Variants in FAM171A1 observed in about 807,000 individuals in gnomAD.
FAM171A1 encodes the protein family with sequence similarity 171 member A1.
A neutral mutation model predicts 74.9 loss-of-function variants in FAM171A1; 23 were observed. The observed-to-expected ratio is 0.31, with a 90% confidence interval of 0.22 to 0.44. The LOEUF (loss-of-function observed/expected upper bound fraction) is 0.44, where lower values mean the gene tolerates loss of function less well. Among genes scored for constraint, FAM171A1 ranks in the 20% least tolerant of loss-of-function variants. FAM171A1 has a pLI of 1.00. For synonymous variants in FAM171A1, 527 were observed against 505.7 expected, an observed-to-expected ratio of 1.04 and a Z score of -0.57; for missense variants, 1,162 against 1,159.2, an observed-to-expected ratio of 1.00 and a Z score of -0.03.
At chr10:15,314,118 C>A (rs557850458) in intron 1 of FAM171A1, among the ~76,000 whole-genome samples, 9 of 152,170 alleles carry the variant, frequency 5.9e-5, no homozygotes, top group Admixed American at 1.3e-4. Flanking sequence ...ACACGCCAAG[C>A]GTCTGGTCAT....
At chr10:15,319,965 C>A (rs534712949) in intron 1 of FAM171A1, among the ~76,000 whole-genome samples, 1 of 152,126 alleles carries the variant, frequency 6.6e-6, no homozygotes, top group Non-Finnish European at 1.5e-5. Context: ...ACTTTTATTT[C>A]TTTCCAATTG....
At position 15,305,954 on chromosome 10, in the gene FAM171A1, G is replaced by A. The variant is rs534622111; in HGVS notation, c.98-21849C>T. Among the ~76,000 whole-genome samples the A allele has an allele frequency of 8.5e-5, 13 of 152,310 alleles. No individual in the cohort carries two copies. In the South Asian group the frequency reaches 2.7e-3, roughly 32 times the overall value. On this transcript the variant is annotated intron_variant, in intron 1 of 7. Coordinates refer to ENST00000378116, the MANE Select transcript of FAM171A1 (RefSeq NM_001010924.2). ...GATCCTCTCTCAACACAGGCGAGGA[G>A]GGTGGCCTGGACAGAGCTCTTAGTG...
chr10:15,329,627 TAAAAA>T (rs11302159), intron 1 of FAM171A1, among the ~76,000 whole-genome samples: 4 of 140,826 alleles, frequency 2.8e-5, no homozygotes, highest in Non-Finnish European at 3.1e-5. Flanking sequence ...CCATCTCACT[TAAAAA>T]AAAAAAAAAA....
chr10:15,306,274 A>G (rs566100693), intron 1 of FAM171A1, among the ~76,000 whole-genome samples: 1 of 152,350 alleles, frequency 6.6e-6, no homozygotes, highest in East Asian at 1.9e-4. Context: ...TGAAAAAGTC[A>G]AATTAAAATA....
intron 3 of FAM171A1, among the ~76,000 whole-genome samples, chr10:15,257,030 T>C (rs1030350652): frequency 6.6e-6 from 1 of 152,220 alleles, no homozygotes; most frequent in Non-Finnish European, 1.5e-5. Flanking sequence ...CTGCTGATAG[T>C]ATTCAATGAA....
chr10:15,353,050 T>C (rs1292513960), intron 1 of FAM171A1, among the ~76,000 whole-genome samples: 1 of 152,208 alleles, frequency 6.6e-6, no homozygotes, highest in Non-Finnish European at 1.5e-5. Context: ...GCTACAAACT[T>C]GACCAGACTG....
intron 3 of FAM171A1, among the ~76,000 whole-genome samples, chr10:15,263,814 CT>C (rs1834698086): frequency 6.6e-6 from 1 of 151,222 alleles, no homozygotes; most frequent in Non-Finnish European, 1.5e-5. Context: ...TATTAATCAT[CT>C]ATCTAATCTA....
In FAM171A1 at chr10:15,248,734, A is replaced by C. The variant is rs779928327; in HGVS notation, c.659T>G (p.Val220Gly). The change falls in exon 5 of 8, where the codon GTG (valine) becomes GGG (glycine). Residue 220 changes from valine (V) to glycine (G), a missense_variant. Val to Gly is a moderately radical substitution (Grantham distance 109). Transcript: ENST00000378116. ...CACAGTGACATAGATGGGACCATCC[A>C]CCAGCACCGGCGTTCCATTACTGCT... ...LLSSNGTPVL[V>G]DGPIYVTVPL... is the part of the protein sequence containing the mutation. 6.2e-7 allele frequency: 1 copy of C among 1,613,914 alleles called. No homozygotes were observed. Among genetic ancestry groups the C allele is most frequent in the Non-Finnish European group, 8.5e-7 (1 of 1,179,870 alleles).
intron 6 of FAM171A1, among the ~76,000 whole-genome samples, chr10:15,219,284 A>G (rs1834006057): frequency 6.6e-6 from 1 of 152,210 alleles, no homozygotes; most frequent in African/African-American, 2.4e-5. Flanking sequence ...CTCTGTCTCA[A>G]AAAAACAAAC....
At chr10:15,230,081 C>A (rs142566229) in intron 5 of FAM171A1, among the ~76,000 whole-genome samples, 127 of 152,304 alleles carry the variant, frequency 8.3e-4, no homozygotes, top group African/African-American at 2.8e-3. Flanking sequence ...ATAGAATTAT[C>A]AATACTTAAG....
At chr10:15,291,770 G>T (rs902215347) in intron 1 of FAM171A1, among the ~76,000 whole-genome samples, 2 of 152,096 alleles carry the variant, frequency 1.3e-5, no homozygotes, top group African/African-American at 4.8e-5. Flanking sequence ...CTTGCAGGGA[G>T]GCCAGGTACG....
chr10:15,281,747 G>T (rs1834973136), intron 2 of FAM171A1, among the ~76,000 whole-genome samples: 1 of 152,200 alleles, frequency 6.6e-6, no homozygotes, highest in African/African-American at 2.4e-5. Flanking sequence ...TGTAATCCCA[G>T]CTACTCAGGA....
chr10:15,366,990 A>T (rs981236329), intron 1 of FAM171A1, among the ~76,000 whole-genome samples: 1 of 152,194 alleles, frequency 6.6e-6, no homozygotes, highest in Non-Finnish European at 1.5e-5. Flanking sequence ...CAAGGTCAGG[A>T]GATCGAGATC....
At chr10:15,220,780 C>T (rs1426071155) in intron 6 of FAM171A1, among the ~76,000 whole-genome samples, 164 bp downstream of exon 6, 1 of 152,178 alleles carries the variant, frequency 6.6e-6, no homozygotes, top group East Asian at 1.9e-4. Context: ...GTCCCCCACC[C>T]CCGCAAAATA....
intron 1 of FAM171A1, among the ~76,000 whole-genome samples, chr10:15,338,706 A>AT (rs980606290): frequency 1.3e-5 from 2 of 151,890 alleles, no homozygotes; most frequent in Non-Finnish European, 2.9e-5. Flanking sequence ...TCTTCTTGGG[A>AT]TTTTTTTGTT....
intron 1 of FAM171A1, among the ~76,000 whole-genome samples, chr10:15,318,069 C>T (rs1342493114): frequency 1.3e-5 from 2 of 152,204 alleles, no homozygotes; most frequent in Non-Finnish European, 2.9e-5. Flanking sequence ...GCTAGGATTA[C>T]AGGGGTGACC....
At chr10:15,339,497 G>A (rs1198681344) in intron 1 of FAM171A1, among the ~76,000 whole-genome samples, 1 of 152,086 alleles carries the variant, frequency 6.6e-6, no homozygotes, top group Non-Finnish European at 1.5e-5. Context: ...CTCAATGTGG[G>A]CCTTTTTCTG....
At chr10:15,348,141 C>A (rs959907230) in intron 1 of FAM171A1, among the ~76,000 whole-genome samples, 1 of 150,340 alleles carries the variant, frequency 6.7e-6, no homozygotes, top group Non-Finnish European at 1.5e-5. Context: ...CCATTCCCGG[C>A]TAATTTTTTG....
At position 15,213,625 on chromosome 10, in the gene FAM171A1, C is replaced by T; in HGVS notation, c.1963G>A (p.Glu655Lys). The T allele has an allele frequency of 1.2e-6, 2 of 1,614,160 alleles. No individual in the cohort carries two copies. The highest frequency in any genetic ancestry group is 1.7e-6 in the Non-Finnish European group (2 of 1,180,024). ...QQHLQDAGTREWSPQNASMSE... is the reference protein window; with the variant it reads ...QQHLQDAGTRKWSPQNASMSE... ...ATGGATGCGTTCTGAGGGCTCCACT[C>T]CCGGGTGCCCGCATCCTGCAGGTGC... is the stretch of plus-strand genomic sequence containing the variant. The change falls in exon 8 of 8, where the codon GAG (glutamate) becomes AAG (lysine). Residue 655 changes from glutamate (E) to lysine (K), a missense_variant. By Grantham distance (56) the Glu-to-Lys change is moderately conservative (BLOSUM62 1). Coordinates refer to ENST00000378116, the MANE Select transcript of FAM171A1 (RefSeq NM_001010924.2). This position sits in a 1 kb window ranked among gnomAD's most constrained non-coding sequence, Gnocchi z 6.8.
Sources: allele counts gnomAD v4.1 joint callset (sites outside exome capture counted in the v4.1 genomes callset), GRCh38; gene constraint gnomAD v4.1.1; non-coding constraint Gnocchi (gnomAD v3.1); transcripts MANE v1.5; gene names NCBI Gene and HGNC (gene_info 2026-07-23, HGNC 2026-07-21).